Variants in PRSS57 observed in about 807,000 individuals in gnomAD.
PRSS57 encodes the protein neutrophil serine protease 4.
Under a neutral mutation model 20.6 loss-of-function variants are expected in PRSS57, and 19 were observed. That is an observed-to-expected ratio of 0.92 (90% CI 0.64 to 1.35). The LOEUF is 1.35. PRSS57 is among the 40% of genes most tolerant of loss of function. The pLI is 0.00. For synonymous variants in PRSS57, 203 were observed against 176.6 expected (o/e 1.15, Z -1.19); for missense variants, 440 against 403.7 (o/e 1.09, Z -0.77).
intron 3 of PRSS57, chr19:690,680 G>T: frequency 3.4e-6 from 1 of 290,896 alleles, no homozygotes; most frequent in South Asian, 3.7e-5. Flanking sequence ...CACCAGGTTC[G>T]AGGCGTCTGT....
intron 3 of PRSS57, among the ~76,000 whole-genome samples, chr19:689,993 C>T (rs1374639055): frequency 6.6e-6 from 1 of 151,290 alleles, no homozygotes; most frequent in Non-Finnish European, 1.5e-5. Context: ...ATGGAGGTTG[C>T]AGTGAGCCCT....
At chr19:692,154 G>A (rs2031667446) in intron 2 of PRSS57, 152 bp from the exon 3 acceptor site, 1 of 722,212 alleles carries the variant, frequency 1.4e-6, no homozygotes, top group Admixed American at 4.5e-5. Flanking sequence ...TGGATCACCT[G>A]AGGTCGGGAG....
At chr19:686,374 C>A (rs2031474530) in intron 4 of PRSS57, among the ~76,000 whole-genome samples, 1 of 151,976 alleles carries the variant, frequency 6.6e-6, no homozygotes, top group Non-Finnish European at 1.5e-5. Flanking sequence ...TCATCCTACC[C>A]TCCTGCCATC....
In PRSS57 at chr19:691,901, T is replaced by C. The variant is rs2031658704; in HGVS notation, c.335A>G (p.Asp112Gly). 7.5e-7 allele frequency: 1 copy of C among 1,340,540 alleles called. No homozygotes were observed. Among genetic ancestry groups the C allele is most frequent in the East Asian group, 2.8e-5 (1 of 35,842 alleles). The allele number at this position is 1,340,540 out of a possible 1,614,324, so 83.0% of individuals were successfully genotyped here. ...FGIDALTTHP[D>G]YHPMTHANDI... is the part of the protein sequence containing the mutation. ...GTTGGCGTGGGTCATGGGGTGGTAGTCGGGGTGTGTGGTGAGAGCATCGAT... is the reference window on the plus strand; with the variant it reads ...GTTGGCGTGGGTCATGGGGTGGTAGCCGGGGTGTGTGGTGAGAGCATCGAT... Residue 112 changes from aspartate to glycine, a missense_variant, in exon 3 of 5, where the codon GAC becomes GGC. Asp to Gly is a moderately conservative substitution (Grantham distance 94). Transcript: ENST00000329267.
At chr19:687,377 C>G (rs1379430889) in intron 3 of PRSS57, among the ~76,000 whole-genome samples, 189 bp from the exon 4 acceptor site, 1 of 152,166 alleles carries the variant, frequency 6.6e-6, no homozygotes, top group African/African-American at 2.4e-5. Flanking sequence ...CCAGGGTCAC[C>G]GTCAGCTGCC....
At chr19:691,624 A>G (rs1037984864) in intron 3 of PRSS57, among the ~76,000 whole-genome samples, 1 of 151,918 alleles carries the variant, frequency 6.6e-6, no homozygotes, top group African/African-American at 2.4e-5. Context: ...GCTTGAGACC[A>G]GCCTGGCCAA....
intron 3 of PRSS57, 106 bp downstream of exon 3, chr19:691,752 G>A: frequency 1.9e-6 from 2 of 1,064,420 alleles, no homozygotes; most frequent in Non-Finnish European, 2.4e-6. Flanking sequence ...CCGGGAGGCT[G>A]AGGTTGCAGT....
intron 2 of PRSS57, among the ~76,000 whole-genome samples, chr19:692,453 C>G (rs534148179): frequency 1.5e-5 from 2 of 132,862 alleles, no homozygotes; most frequent in Admixed American, 7.9e-5. Flanking sequence ...GAGACAGAGT[C>G]TCACTCTGTC....
At position 687,104 on chromosome 19, in the gene PRSS57, G is replaced by A. The variant is rs201377261; in HGVS notation, c.463C>T (p.Arg155Trp). The A allele has an allele frequency of 4.5e-5, 73 of 1,613,164 alleles. No individual in the cohort carries two copies. The Admixed American group carries it at 6.0e-4, about 13-fold the overall frequency. Residue 155 changes from arginine (R) to tryptophan (W), a missense_variant, in exon 4 of 5, where the codon CGG (arginine) becomes TGG (tryptophan). Arg to Trp is a moderately radical substitution (Grantham distance 101, BLOSUM62 -3). Coordinates refer to ENST00000329267, the MANE Select transcript of PRSS57 (RefSeq NM_001308209.2). ...AAGCCCCAGCCAGCCACCCGGCACC[G>A]TGTCCCCGCTGTGGGGGGCCTGGCC... is the stretch of plus-strand genomic sequence containing the variant. ...RRARPPTAGTRCRVAGWGFVS... is the reference protein window; with the variant it reads ...RRARPPTAGTWCRVAGWGFVS...
intron 3 of PRSS57, among the ~76,000 whole-genome samples, 153 bp downstream of exon 3, chr19:691,705 T>C (rs1383453027): frequency 1.4e-5 from 2 of 142,932 alleles, no homozygotes; most frequent in Non-Finnish European, 3.1e-5. Context: ...TGTAATCCCA[T>C]GTACTTGAGA....
chr19:689,394 C>T (rs527808380), intron 3 of PRSS57, among the ~76,000 whole-genome samples: 75 of 152,070 alleles, frequency 4.9e-4, no homozygotes, highest in Middle Eastern at 3.4e-3. Flanking sequence ...GAAAGGCTCG[C>T]GGTGTCTGGG....
Position 694,869 on chromosome 19 carries a change from C to T in PRSS57, c.178G>A (p.Gly60Ser). 1.2e-6 allele frequency: 2 copies of T among 1,606,654 alleles called. No homozygotes were observed. Among genetic ancestry groups the T allele is most frequent in the Non-Finnish European group, 1.7e-6 (2 of 1,177,312 alleles). The change falls in exon 2 of 5, where the codon GGC becomes AGC. Residue 60 changes from glycine to serine, a missense_variant. Coordinates refer to ENST00000329267, the MANE Select transcript of PRSS57 (RefSeq NM_001308209.2). The stretch of plus-strand genomic sequence containing the variant: ...ACCCAGCGGGCTCGCAGCAGGAAGC[C>T]TCCGCAGTGATGTTGGCCCCCGAAG... ...VRFGGQHHCGGFLLRARWVVS... is the reference protein window; with the variant it reads ...VRFGGQHHCGSFLLRARWVVS...
chr19:688,079 C>T (rs2031527949), intron 3 of PRSS57, among the ~76,000 whole-genome samples: 2 of 152,232 alleles, frequency 1.3e-5, no homozygotes, highest in Admixed American at 6.5e-5. Flanking sequence ...GGCCCAGCAC[C>T]GGGCCTCTGG....
At position 687,028 on chromosome 19, in the gene PRSS57, C is replaced by G; in HGVS notation, c.539G>C (p.Arg180Pro). ...LPPGLMEAKV[R>P]VLDPDVCNSS... ...GTTGCAGACGTCCGGGTCCAGCACT[C>G]GGACCTTGGCCTCCATCAGTCCAGG... The change falls in exon 4 of 5, where the codon CGA (arginine) becomes CCA (proline). Residue 180 changes from arginine (R) to proline (P), a missense_variant. Physicochemically the swap from Arg to Pro is moderately radical, Grantham distance 103. Transcript: ENST00000329267. 6.2e-7 allele frequency: 1 copy of G among 1,614,116 alleles called. No homozygotes were observed. The highest frequency in any genetic ancestry group is 8.5e-7 in the Non-Finnish European group (1 of 1,180,044).
intron 3 of PRSS57, chr19:690,964 G>A (rs1232689732): frequency 1.5e-5 from 7 of 477,460 alleles, no homozygotes; most frequent in Admixed American, 2.5e-5. Flanking sequence ...GGCTGGTATC[G>A]GTGACTGCTA....
chr19:686,960 G>C lies in PRSS57; in HGVS notation c.607C>G (p.Arg203Gly). 2.5e-6 allele frequency: 4 copies of C among 1,614,078 alleles called. No individual in the cohort carries two copies. In the South Asian group the frequency reaches 3.3e-5, roughly 13 times the overall value. Reference protein sequence around the residue: ...GHLTLTMLCTRSGDSHRRGFC... With the variant: ...GHLTLTMLCTGSGDSHRRGFC... The stretch of plus-strand genomic sequence containing the variant: ...CCCCGTCTGTGGCTGTCCCCACTGC[G>C]GGTGCAGAGCATGGTAAGTGTCAGG... The change falls in exon 4 of 5, where the codon CGC becomes GGC. Residue 203 changes from arginine (R) to glycine (G), a missense_variant. Physicochemically the swap from Arg to Gly is moderately radical, Grantham distance 125 (BLOSUM62 -2). Transcript: ENST00000329267.
chr19:693,803 G>A (rs991668680), intron 2 of PRSS57, among the ~76,000 whole-genome samples: 5 of 151,598 alleles, frequency 3.3e-5, no homozygotes, highest in South Asian at 2.1e-4. Context: ...GCAGTGGCGC[G>A]ATCTCGGCTC....
intron 2 of PRSS57, among the ~76,000 whole-genome samples, chr19:692,363 C>T (rs562888739): frequency 4.1e-5 from 6 of 146,548 alleles, no homozygotes; most frequent in South Asian, 4.3e-4. Flanking sequence ...AACAAGACTC[C>T]GTCTCAAAAA....
intron 3 of PRSS57, among the ~76,000 whole-genome samples, chr19:689,905 T>C (rs934018527): frequency 6.6e-6 from 1 of 151,848 alleles, no homozygotes; most frequent in African/African-American, 2.4e-5. Context: ...ATACAAAAAT[T>C]AGCCAGGTGT....
Sources: gnomAD v4.1 joint callset for allele counts (sites outside exome capture counted in the v4.1 genomes callset) on GRCh38, gnomAD v4.1.1 for gene constraint, MANE v1.5 for transcripts, NCBI Gene and HGNC (gene_info 2026-07-23, HGNC 2026-07-21) for gene names.